LPCAT3: variants seen among roughly 807,000 people sequenced by gnomAD.
The protein encoded by LPCAT3 is lysophospholipid acyltransferase 5.
LPCAT3 carries 21 observed loss-of-function variants against 63.4 expected under a neutral mutation model. The ratio of observed to expected loss-of-function variants is 0.33; its 90% CI spans 0.23 to 0.48. The LOEUF is 0.48. LPCAT3 is among the 20% of genes least tolerant of loss of function. LPCAT3 has a pLI of 0.99. For missense variants in LPCAT3, 451 were observed against 590.6 expected, an observed-to-expected ratio of 0.76 and a Z score of 2.45; for synonymous variants, 242 against 227.5, an observed-to-expected ratio of 1.06 and a Z score of -0.58.
intron 1 of LPCAT3, among the ~76,000 whole-genome samples, chr12:6,998,615 A>G (rs758414821): frequency 9.2e-5 from 14 of 152,220 alleles, no homozygotes; most frequent in Non-Finnish European, 1.8e-4. Flanking sequence ...ATGAGATACA[A>G]AATCTCATTA....
At chr12:6,997,966 G>C (rs1946652680) in intron 1 of LPCAT3, among the ~76,000 whole-genome samples, 1 of 152,186 alleles carries the variant, frequency 6.6e-6, no homozygotes, top group East Asian at 1.9e-4. Flanking sequence ...GACCTCAAGT[G>C]ATCTGCCTGC....
intron 3 of LPCAT3, 56 bp downstream of exon 3, chr12:6,982,620 C>T (rs2138333865): frequency 2.2e-6 from 3 of 1,338,534 alleles, no homozygotes; most frequent in South Asian, 2.4e-5. Flanking sequence ...CTGCCTACCC[C>T]TGTCCCCTGA....
chr12:6,998,462 A>C (rs782640126), intron 1 of LPCAT3, among the ~76,000 whole-genome samples: 3 of 152,274 alleles, frequency 2.0e-5, no homozygotes, highest in African/African-American at 7.2e-5. Flanking sequence ...CTATTCTTTC[A>C]CCAAAATGGA....
At chr12:7,000,164 C>T (rs1184545207) in intron 1 of LPCAT3, among the ~76,000 whole-genome samples, 3 of 151,830 alleles carry the variant, frequency 2.0e-5, no homozygotes, top group Non-Finnish European at 4.4e-5. Flanking sequence ...TGGTGATCCG[C>T]CCGCCTCAGA....
In LPCAT3 at chr12:6,987,294, T is replaced by C. The variant is rs1197364765; in HGVS notation, c.152-3755A>G. On this transcript the variant is annotated intron_variant, in intron 1 of 12. Transcript: ENST00000261407. The surrounding 1 kb of genome is among the most constrained non-coding windows in gnomAD (Gnocchi z 4.1). ...CCTGCTATATGCCAGGTATTCTGTT[T>C]ATGAAGCACGTAATTGGGTAGGAGG... Among the ~76,000 whole-genome samples, 6 of 152,202 alleles carry C rather than the reference T, an allele frequency of 3.9e-5. No homozygotes were observed. Among genetic ancestry groups the C allele is most frequent in the Admixed American group, 3.3e-4 (5 of 15,284 alleles).
intron 1 of LPCAT3, among the ~76,000 whole-genome samples, chr12:6,990,526 AAAATAAAT>A (rs59048377): frequency 0.013 from 1,823 of 144,482 alleles, 37 homozygotes; most frequent in African/African-American, 0.04. Flanking sequence ...AAATTAAAAT[AAAATAAAT>A]AAATAAATAA....
chr12:7,018,450 C>G lies in LPCAT3; in HGVS notation c.-26G>C. On this transcript the variant is annotated 5_prime_UTR_variant, in exon 1 of 13. Coordinates refer to ENST00000261407, the MANE Select transcript of LPCAT3 (RefSeq NM_005768.6). This position sits in a 1 kb window ranked among gnomAD's most constrained non-coding sequence, Gnocchi z 4.9. ...CTTAACTCCGGGAGCCCCACAGGGA[C>G]CCCCCAGCTCCGCGCGCCCCGAATG... 2 of 1,546,182 alleles carry G rather than the reference C, an allele frequency of 1.3e-6. No individual in the cohort carries two copies. Among genetic ancestry groups the G allele is most frequent in the Non-Finnish European group, 1.8e-6 (2 of 1,141,504 alleles).
chr12:6,981,416 G>A, intron 5 of LPCAT3, 179 bp downstream of exon 5: 1 of 737,798 alleles, frequency 1.4e-6, no homozygotes, highest in Non-Finnish European at 2.3e-6. Flanking sequence ...TGCAAGAGCT[G>A]GATCCTGGGC....
chr12:7,017,139 T>C lies in LPCAT3; in HGVS notation c.151+1135A>G, dbSNP rs782321040. Reference sequence around the variant, plus strand: ...CAACTTTATCTCAAACTTCTCATGGTTCAGACCTCTAACCCTCTGCTCTAG... The same window carrying C: ...CAACTTTATCTCAAACTTCTCATGGCTCAGACCTCTAACCCTCTGCTCTAG... On this transcript the variant is annotated intron_variant, in intron 1 of 12. Transcript: ENST00000261407. This position sits in a 1 kb window ranked among gnomAD's most constrained non-coding sequence, Gnocchi z 4.1. Among the ~76,000 whole-genome samples the C allele has an allele frequency of 6.6e-6, 1 of 152,332 alleles. No individual in the cohort carries two copies. The highest frequency in any genetic ancestry group is 2.4e-5 in the African/African-American group (1 of 41,568).
At chr12:7,014,620 T>C (rs1555157437) in intron 1 of LPCAT3, among the ~76,000 whole-genome samples, 2 of 152,020 alleles carry the variant, frequency 1.3e-5, no homozygotes, top group African/African-American at 2.4e-5. Flanking sequence ...CGGTGGCTCA[T>C]GCCTGTAATT....
At chr12:7,005,873 CTT>C (rs1197410375) in intron 1 of LPCAT3, among the ~76,000 whole-genome samples, 1 of 152,114 alleles carries the variant, frequency 6.6e-6, no homozygotes, top group Non-Finnish European at 1.5e-5. Flanking sequence ...TAGCTTTTTA[CTT>C]TCTTGATAGT....
At chr12:7,014,711 A>G (rs1420340944) in intron 1 of LPCAT3, among the ~76,000 whole-genome samples, 1 of 152,108 alleles carries the variant, frequency 6.6e-6, no homozygotes, top group South Asian at 2.1e-4. Context: ...CCTAGCCAAC[A>G]TGGTGAAACC....
At chr12:6,981,482 TG>T in intron 5 of LPCAT3, 112 bp downstream of exon 5, 2 of 1,046,964 alleles carry the variant, frequency 1.9e-6, no homozygotes, top group Non-Finnish European at 3.0e-6. Flanking sequence ...TTGCACAGGC[TG>T]GGGAATGAGG....
chr12:6,977,385 C>A lies in LPCAT3; in HGVS notation c.1329G>T (p.Thr443=). The change falls in exon 11 of 13, where the codon ACG becomes ACT. Residue 443 remains threonine (T), a synonymous_variant. Coordinates refer to ENST00000261407, the MANE Select transcript of LPCAT3 (RefSeq NM_005768.6). This position sits in a 1 kb window ranked among gnomAD's most constrained non-coding sequence, Gnocchi z 4.5. ...CACTTGCCTTAAGCCATTTGTCCCA[C>A]GTGAAGAGGCAGAAGGCAGTCATGG... ...GYSMTAFCLF[T]WDKWLKVYKS... is the part of the protein sequence containing the mutation. 1 of 1,614,168 alleles carries A rather than the reference C, an allele frequency of 6.2e-7. No individual in the cohort carries two copies. Among genetic ancestry groups the A allele is most frequent in the Non-Finnish European group, 8.5e-7 (1 of 1,180,026 alleles).
chr12:6,998,910 C>A (rs1377667845), intron 1 of LPCAT3, among the ~76,000 whole-genome samples: 1 of 152,224 alleles, frequency 6.6e-6, no homozygotes, highest in Non-Finnish European at 1.5e-5. Flanking sequence ...AACTGGCATG[C>A]CCAAGGTTAA....
chr12:7,016,799 G>T (rs1227583704), intron 1 of LPCAT3, among the ~76,000 whole-genome samples: 1 of 152,220 alleles, frequency 6.6e-6, no homozygotes, highest in Admixed American at 6.5e-5. Flanking sequence ...AGACTAGGGT[G>T]CTGATAAATT....
chr12:6,998,425 A>G (rs1555156276), intron 1 of LPCAT3, among the ~76,000 whole-genome samples: 1 of 152,190 alleles, frequency 6.6e-6, no homozygotes, highest in Non-Finnish European at 1.5e-5. Flanking sequence ...CTTACTTACA[A>G]CACACCTGGC....
At chr12:6,979,098 T>G (rs1591545644) in intron 7 of LPCAT3, 1 of 297,380 alleles carries the variant, frequency 3.4e-6, no homozygotes, top group Non-Finnish European at 6.3e-6. Context: ...ACTTCCCCCC[T>G]TCCCTTGGTT....
chr12:7,010,168 C>T (rs1486351078), intron 1 of LPCAT3, among the ~76,000 whole-genome samples: 1 of 152,194 alleles, frequency 6.6e-6, no homozygotes, highest in East Asian at 1.9e-4. Context: ...CTCTACTGCT[C>T]TTTTACGATC....
Sources: gnomAD v4.1 joint callset for allele counts (sites outside exome capture counted in the v4.1 genomes callset) on GRCh38, gnomAD v4.1.1 for gene constraint, Gnocchi (gnomAD v3.1) non-coding constraint, MANE v1.5 for transcripts, NCBI Gene and HGNC (gene_info 2026-07-23, HGNC 2026-07-21) for gene names.